The following LCMT1 variants were observed in gnomAD, a reference collection of about 807,000 sequenced individuals.
The protein encoded by LCMT1 is [Phosphatase 2A protein]-leucine-carboxy methyltransferase 1.
A neutral mutation model predicts 47.7 loss-of-function variants in LCMT1; 32 were observed. The ratio of observed to expected loss-of-function variants is 0.67; its 90% CI spans 0.51 to 0.90. The LOEUF is 0.90. Ranked by LOEUF, LCMT1 falls within the 40% of genes least tolerant of loss-of-function variation. The pLI is 0.00. For missense variants in LCMT1, 375 were observed against 415.2 expected, an observed-to-expected ratio of 0.90 and a Z score of 0.84; for synonymous variants, 152 against 149.7, an observed-to-expected ratio of 1.02 and a Z score of -0.11.
chr16:25,113,792 T>A (rs552702703), intron 1 of LCMT1, among the ~76,000 whole-genome samples: 1 of 152,274 alleles, frequency 6.6e-6, no homozygotes, highest in East Asian at 1.9e-4. Flanking sequence ...CACACCACCA[T>A]GCCCAGCTAA....
intron 4 of LCMT1, among the ~76,000 whole-genome samples, chr16:25,149,624 C>T (rs1204925664): frequency 6.6e-6 from 1 of 152,092 alleles, no homozygotes; most frequent in East Asian, 1.9e-4. Context: ...AGAAAGTTAC[C>T]TGGCCTTGCC....
At chr16:25,162,276 C>T (rs1447518450) in intron 6 of LCMT1, among the ~76,000 whole-genome samples, 2 of 152,168 alleles carry the variant, frequency 1.3e-5, no homozygotes, top group Non-Finnish European at 2.9e-5. Flanking sequence ...TTCTCTGCAT[C>T]TGTTTCCTCT....
intron 3 of LCMT1, 33 bp downstream of exon 3, chr16:25,132,556 T>C (rs1960383079): frequency 8.7e-6 from 14 of 1,602,406 alleles, no homozygotes; most frequent in Non-Finnish European, 1.2e-5. Context: ...CCTCCCCAAG[T>C]GTTTAGATTT....
intron 3 of LCMT1, among the ~76,000 whole-genome samples, chr16:25,139,157 G>A (rs1201661374): frequency 6.6e-6 from 1 of 152,130 alleles, no homozygotes; most frequent in Non-Finnish European, 1.5e-5. Context: ...TGATCCGCCT[G>A]CCTCAGCCTC....
intron 1 of LCMT1, among the ~76,000 whole-genome samples, chr16:25,119,555 G>GA (rs767639032): frequency 1.3e-5 from 2 of 152,096 alleles, no homozygotes; most frequent in Non-Finnish European, 2.9e-5. Flanking sequence ...ATGTGTTCTA[G>GA]AAAGCAGACC....
chr16:25,131,152 G>A (rs141117038), intron 2 of LCMT1, among the ~76,000 whole-genome samples: 1 of 152,196 alleles, frequency 6.6e-6, no homozygotes. Flanking sequence ...GGGAATCTTG[G>A]CTCTCAAGTT....
intron 8 of LCMT1, 69 bp downstream of exon 8, chr16:25,169,282 T>C: frequency 9.3e-7 from 1 of 1,079,786 alleles, no homozygotes; most frequent in Non-Finnish European, 1.4e-6. Context: ...GGTCTTTCTT[T>C]GCAGATGTGA....
chr16:25,162,674 GAA>G (rs1961468036), intron 6 of LCMT1, among the ~76,000 whole-genome samples: 2 of 152,022 alleles, frequency 1.3e-5, no homozygotes, highest in Non-Finnish European at 2.9e-5. Flanking sequence ...GTTAGCAGTT[GAA>G]GATGCTGAAA....
chr16:25,155,453 A>C (rs1050247469), intron 5 of LCMT1, among the ~76,000 whole-genome samples: 3 of 151,980 alleles, frequency 2.0e-5, no homozygotes, highest in Admixed American at 1.3e-4. Context: ...AGGCTGAGAC[A>C]GGAGGATACC....
chr16:25,164,605 A>G lies in LCMT1; in HGVS notation c.577A>G (p.Thr193Ala), dbSNP rs775788589. Residue 193 changes from threonine to alanine, a missense_variant, in exon 7 of 11, where the codon ACA becomes GCA. Coordinates refer to ENST00000399069, the MANE Select transcript of LCMT1 (RefSeq NM_016309.3). ...KKCNMNTQLP[T>A]LLIAECVLVY... is the part of the protein sequence containing the mutation. ...TTTTTCCTTATCTTTAAGATTGCCA[A>G]CACTCCTGATAGCTGAATGTGTGCT... 5.0e-6 allele frequency: 8 copies of G among 1,613,838 alleles called. No individual in the cohort carries two copies. Among genetic ancestry groups the G allele is most frequent in the Middle Eastern group, 1.6e-4 (1 of 6,084 alleles).
At chr16:25,140,421 A>G (rs1361411972) in intron 4 of LCMT1, 174 bp downstream of exon 4, 5 of 600,046 alleles carry the variant, frequency 8.3e-6, no homozygotes, top group Non-Finnish European at 1.5e-5. Flanking sequence ...TACAGTCTGC[A>G]AAATGCAATA....
rs896292658 is a variant in LCMT1 at position 25,169,135 on chromosome 16, G to C, written c.714G>C (p.Gly238=). ...AGGTGAACATGGGTGATCGGTTTGG[G>C]CAGATCATGATTGAAAACCTGCGGA... ...YEQVNMGDRF[G]QIMIENLRRR... The change falls in exon 8 of 11, where the codon GGG becomes GGC. Residue 238 remains glycine (G), a synonymous_variant. Coordinates refer to ENST00000399069, the MANE Select transcript of LCMT1 (RefSeq NM_016309.3). 6.2e-7 allele frequency: 1 copy of C among 1,613,264 alleles called. No individual in the cohort carries two copies. Among genetic ancestry groups the C allele is most frequent in the East Asian group, 2.2e-5 (1 of 44,888 alleles).
At chr16:25,167,803 C>T (rs1961629993) in intron 7 of LCMT1, among the ~76,000 whole-genome samples, 1 of 152,166 alleles carries the variant, frequency 6.6e-6, no homozygotes, top group African/African-American at 2.4e-5. Context: ...CTCTGTCACC[C>T]AGGCTGGAGT....
intron 7 of LCMT1, among the ~76,000 whole-genome samples, chr16:25,168,110 G>A (rs887861580): frequency 6.0e-5 from 9 of 151,088 alleles, no homozygotes; most frequent in Admixed American, 2.6e-4. Flanking sequence ...GTGCAGTTGC[G>A]CAATCTCAGC....
intron 2 of LCMT1, 192 bp from the exon 3 acceptor site, chr16:25,132,210 G>A: frequency 1.7e-6 from 1 of 592,160 alleles, no homozygotes; most frequent in Non-Finnish European, 3.0e-6. Flanking sequence ...ACTTACCTTG[G>A]TTCAGATGCC....
chr16:25,150,597 G>C (rs1567320861), intron 4 of LCMT1, among the ~76,000 whole-genome samples: 1 of 151,912 alleles, frequency 6.6e-6, no homozygotes, highest in African/African-American at 2.4e-5. Flanking sequence ...GCCTGCCTTG[G>C]CCTCTCAAAG....
intron 3 of LCMT1, among the ~76,000 whole-genome samples, chr16:25,138,221 TGAGTTTTAGCAGTGTGCAGAGCTGCA>T (rs1395182430): frequency 6.6e-6 from 1 of 152,160 alleles, no homozygotes; most frequent in Non-Finnish European, 1.5e-5. Context: ...TGTTTCTTGC[TGAGTTTTAGCAGTGTGCAGAGCTGCA>T]GAAGGCCACC....
intron 5 of LCMT1, among the ~76,000 whole-genome samples, chr16:25,152,211 G>A (rs1597590124): frequency 6.6e-6 from 1 of 152,184 alleles, no homozygotes; most frequent in East Asian, 1.9e-4. Flanking sequence ...GAGAGGGGCA[G>A]CAGTCAGGCA....
intron 8 of LCMT1, among the ~76,000 whole-genome samples, 198 bp from the exon 9 acceptor site, chr16:25,170,516 G>C (rs1045835462): frequency 3.3e-5 from 5 of 152,180 alleles, no homozygotes; most frequent in African/African-American, 7.2e-5. Flanking sequence ...TCTCATCCCA[G>C]CACCTTGGGT....
Sources: gnomAD v4.1 joint callset for allele counts (sites outside exome capture counted in the v4.1 genomes callset) on GRCh38, gnomAD v4.1.1 for gene constraint, MANE v1.5 for transcripts, NCBI Gene and HGNC (gene_info 2026-07-23, HGNC 2026-07-21) for gene names.